The following ATG3 variants were observed in gnomAD, a reference collection of about 807,000 sequenced individuals.
ATG3 encodes ubiquitin-like-conjugating enzyme ATG3.
ATG3 carries 25 observed loss-of-function variants against 50.7 expected under a neutral mutation model. The observed-to-expected ratio is 0.49, with a 90% CI of 0.36 to 0.69. ATG3 has a LOEUF of 0.69. Ranked by LOEUF, ATG3 falls within the 30% of genes least tolerant of loss-of-function variation. The pLI is 0.00. For missense variants in ATG3, 281 were observed against 376.0 expected (o/e 0.75, Z 2.09); for synonymous variants, 119 against 125.5 (o/e 0.95, Z 0.34).
chr3:112,532,925 AT>A, intron 11 of ATG3, 145 bp from the exon 12 acceptor site: 2 of 1,316,164 alleles, frequency 1.5e-6, no homozygotes, highest in Non-Finnish European at 1.9e-6. Flanking sequence ...GAATTCAACT[AT>A]GCAAATTTGT....
At chr3:112,541,098 G>T (rs982650528) in intron 7 of ATG3, among the ~76,000 whole-genome samples, 15 of 152,078 alleles carry the variant, frequency 9.9e-5, no homozygotes, top group African/African-American at 3.4e-4. Context: ...TAGTTCAAAA[G>T]GCCCCATTAG....
intron 5 of ATG3, 122 bp downstream of exon 5, chr3:112,548,411 A>G (rs1933431035): frequency 1.2e-6 from 1 of 831,916 alleles, no homozygotes; most frequent in East Asian, 2.7e-5. Flanking sequence ...TGCTTTTTTC[A>G]TGTAAGTCTA....
At chr3:112,542,828 C>T (rs1359319060) in intron 6 of ATG3, among the ~76,000 whole-genome samples, 1 of 151,668 alleles carries the variant, frequency 6.6e-6, no homozygotes, top group Non-Finnish European at 1.5e-5. Context: ...TAAGCCCGTC[C>T]AAGAAAAACA....
At chr3:112,558,840 G>C (rs932058606) in intron 1 of ATG3, among the ~76,000 whole-genome samples, 1 of 151,826 alleles carries the variant, frequency 6.6e-6, no homozygotes, top group Non-Finnish European at 1.5e-5. Flanking sequence ...GGGTTCAAGC[G>C]ATTCTCCTGC....
rs1179951522 is a variant in ATG3 at position 112,536,541 on chromosome 3, T to C, written c.728A>G (p.Lys243Arg). The change falls in exon 10 of 12, where the codon AAA becomes AGA. Residue 243 changes from lysine (K) to arginine (R), a missense_variant. Lys to Arg is a conservative substitution (Grantham distance 26). Around this residue, in one of 3 missense-constraint regions of ATG3, gnomAD observed 242 missense variants for 305.0 expected, o/e 0.79. Coordinates refer to ENST00000283290, the MANE Select transcript of ATG3 (RefSeq NM_022488.5). The stretch of plus-strand genomic sequence containing the variant: ...AGGGTGATTTTCAATGGTCACTGTT[T>C]TCTTCACATGATCCTGACTGATGTC... ...YEDISQDHVKKTVTIENHPHL... is the reference protein window; with the variant it reads ...YEDISQDHVKRTVTIENHPHL... 2 of 1,613,938 alleles carry C rather than the reference T, an allele frequency of 1.2e-6. No individual in the cohort carries two copies. The highest frequency in any genetic ancestry group is 2.7e-5 in the African/African-American group (2 of 74,914).
Position 112,532,703 on chromosome 3 carries a change from A to C in ATG3, c.941T>G (p.Met314Arg). The stretch of plus-strand genomic sequence containing the variant: ...ATAGATTTTATGCTCTCTTCATTAC[A>C]TTGTGAAGTGTCTTGTGTAGTCATA... ...IEYDYTRHFT[M>R] Residue 314 changes from methionine to arginine, a missense_variant, in exon 12 of 12, where the codon ATG becomes AGG. Met to Arg is a moderately conservative substitution (Grantham distance 91). Transcript: ENST00000283290. 6.3e-7 allele frequency: 1 copy of C among 1,583,400 alleles called. No homozygotes were observed. The highest frequency in any genetic ancestry group is 1.4e-5 in the African/African-American group (1 of 73,830).
At position 112,550,217 on chromosome 3, in the gene ATG3, G is replaced by C. The variant is rs1425963980; in HGVS notation, c.210C>G (p.Gly70=). The C allele has an allele frequency of 6.2e-7, 1 of 1,612,834 alleles. No individual in the cohort carries two copies. The highest frequency in any genetic ancestry group is 8.5e-7 in the Non-Finnish European group (1 of 1,179,426). ...ELKVKAYLPT[G]KQFLVTKNVP... Reference sequence around the variant, plus strand: ...CATTTTTGGTTACCAAAAATTGTTTGCCTGTTGGTAGGTATGCCTTCACTT... The same window carrying C: ...CATTTTTGGTTACCAAAAATTGTTTCCCTGTTGGTAGGTATGCCTTCACTT... Residue 70 remains glycine, a synonymous_variant, in exon 4 of 12, where the codon GGC becomes GGG. Coordinates refer to ENST00000283290, the MANE Select transcript of ATG3 (RefSeq NM_022488.5).
In ATG3 at chr3:112,558,511, G is replaced by A. The variant is rs1453237868; in HGVS notation, c.73-94C>T. 5.2e-6 allele frequency: 5 copies of A among 964,104 alleles called. No homozygotes were observed. The African/African-American group carries it at 8.2e-5, about 16-fold the overall frequency. 59.7% of individuals were successfully genotyped at this position (964,104 alleles called of 1,614,324 possible). On this transcript the variant is annotated intron_variant, in intron 1 of 11. Transcript: ENST00000283290. The stretch of plus-strand genomic sequence containing the variant: ...AATTATTTGCCTGGTGCCCTTCTAG[G>A]CAATAGAGCACATACAAAAAAAAAT...
intron 2 of ATG3, among the ~76,000 whole-genome samples, chr3:112,556,818 T>C (rs926758759): frequency 7.9e-5 from 12 of 152,000 alleles, no homozygotes; most frequent in African/African-American, 2.9e-4. Flanking sequence ...AAACAGATGC[T>C]TGAAGGCAGC....
intron 10 of ATG3, chr3:112,535,570 G>A (rs912698972): frequency 1.6e-4 from 25 of 151,954 alleles, no homozygotes; most frequent in Non-Finnish European, 1.8e-4. Flanking sequence ...TAAAACTAAT[G>A]GCTCCTAAAT....
Position 112,550,218 on chromosome 3 carries a change from C to T in ATG3, c.209G>A (p.Gly70Asp). 6.2e-7 allele frequency: 1 copy of T among 1,612,526 alleles called. No individual in the cohort carries two copies. Among genetic ancestry groups the T allele is most frequent in the Non-Finnish European group, 8.5e-7 (1 of 1,179,348 alleles). ...ELKVKAYLPTGKQFLVTKNVP... is the reference protein window; with the variant it reads ...ELKVKAYLPTDKQFLVTKNVP... The stretch of plus-strand genomic sequence containing the variant: ...ATTTTTGGTTACCAAAAATTGTTTG[C>T]CTGTTGGTAGGTATGCCTTCACTTT... Residue 70 changes from glycine to aspartate, a missense_variant, in exon 4 of 12, where the codon GGC becomes GAC. Physicochemically the swap from Gly to Asp is moderately conservative, Grantham distance 94. Around this residue, in one of 3 missense-constraint regions of ATG3, gnomAD observed 242 missense variants for 305.0 expected, o/e 0.79. Transcript: ENST00000283290.
intron 1 of ATG3, among the ~76,000 whole-genome samples, chr3:112,558,985 C>T (rs568415788): frequency 9.2e-5 from 14 of 152,248 alleles, no homozygotes; most frequent in South Asian, 4.2e-4. Flanking sequence ...GTGATCCACC[C>T]GCCTCGGCCT....
chr3:112,544,215 A>G (rs539581634), intron 5 of ATG3, 109 bp from the exon 6 acceptor site: 2 of 866,242 alleles, frequency 2.3e-6, no homozygotes, highest in South Asian at 1.8e-5. Context: ...TCTCTGAAAT[A>G]AGGAGGCAAA....
rs1048327411 is a variant in ATG3, at chr3:112,543,969, T to G, written c.393+88A>C. ...AAAACCAGGGTTTTTATAAGAAAGA[T>G]ATGGTGATTATATATGTGTGTGTAT... On this transcript the variant is annotated intron_variant, in intron 6 of 11. Transcript: ENST00000283290. The G allele has an allele frequency of 1.3e-5, 12 of 923,518 alleles. No individual in the cohort carries two copies. In the African/African-American group the frequency reaches 1.9e-4, roughly 14 times the overall value. The allele number at this position is 923,518 out of a possible 1,614,324, so 57.2% of individuals were successfully genotyped here. A position where few individuals can be genotyped will look rare whatever the true frequency, so the allele number is the denominator to read the frequency against.
At chr3:112,551,892 AAC>A (rs1371164378) in intron 3 of ATG3, among the ~76,000 whole-genome samples, 1 of 152,104 alleles carries the variant, frequency 6.6e-6, no homozygotes, top group Non-Finnish European at 1.5e-5. Context: ...TGGAACAAAA[AAC>A]ACATGTAGGA....
chr3:112,555,028 G>T (rs1328609542), intron 2 of ATG3, among the ~76,000 whole-genome samples: 1 of 152,064 alleles, frequency 6.6e-6, no homozygotes, highest in African/African-American at 2.4e-5. Flanking sequence ...TGGTTATCAG[G>T]AACTAATTTA....
At position 112,541,815 on chromosome 3, in the gene ATG3, C is replaced by T; in HGVS notation, c.463G>A (p.Ala155Thr). 6.2e-7 allele frequency: 1 copy of T among 1,611,496 alleles called. No homozygotes were observed. The change falls in exon 7 of 12, where the codon GCA becomes ACA. Residue 155 changes from alanine (A) to threonine (T), a missense_variant. Ala to Thr is a moderately conservative substitution (Grantham distance 58). Around this residue, in one of 3 missense-constraint regions of ATG3, gnomAD observed 242 missense variants for 305.0 expected, o/e 0.79. Transcript: ENST00000283290. The stretch of plus-strand genomic sequence containing the variant: ...AGAACAGGAATACCTTCCATATCTG[C>T]AGCTTCTCCTTCATCTTCATCTTCT... Reference protein sequence around the residue: ...EEEDEDEGEAADMEEYEESGL... With the variant: ...EEEDEDEGEATDMEEYEESGL...
In ATG3 at chr3:112,561,866, T is replaced by C. The variant is rs1933905853; in HGVS notation, c.-338A>G. The C allele has an allele frequency of 3.3e-6, 1 of 301,664 alleles. No homozygotes were observed. Among genetic ancestry groups the C allele is most frequent in the African/African-American group, 2.3e-5 (1 of 44,040 alleles). The allele number at this position is 301,664 out of a possible 1,614,324, so 18.7% of individuals were successfully genotyped here. On this transcript the variant is annotated 5_prime_UTR_variant, in exon 1 of 12. Transcript: ENST00000283290. ...CGCACCCCTCGCCCTCTGCGAGCTG[T>C]CTGTCCTCGCTTTGCTTCACTCGCG...
chr3:112,535,684 G>A (rs1255609149), intron 10 of ATG3: 1 of 152,156 alleles, frequency 6.6e-6, no homozygotes, highest in Non-Finnish European at 1.5e-5. Context: ...CAGAATATGA[G>A]AAGAAAATAT....
Sources: gnomAD v4.1 joint callset for allele counts (sites outside exome capture counted in the v4.1 genomes callset) on GRCh38, gnomAD v4.1.1 for gene constraint, gnomAD v4.1.1 regional missense constraint, MANE v1.5 for transcripts, NCBI Gene and HGNC (gene_info 2026-07-23, HGNC 2026-07-21) for gene names.